KDM6A: variants seen among roughly 807,000 people sequenced by gnomAD.
The protein encoded by KDM6A is lysine-specific demethylase 6A.
Under a neutral mutation model 117.6 loss-of-function variants are expected in KDM6A, and 11 were observed. That is an observed-to-expected ratio of 0.09 (90% CI 0.06 to 0.15). KDM6A has a LOEUF of 0.15. KDM6A is among the 10% of genes least tolerant of loss of function. KDM6A has a pLI of 1.00. For missense variants in KDM6A, 799 were observed against 1,077.3 expected (o/e 0.74, Z 3.62); for synonymous variants, 384 against 396.1 (o/e 0.97, Z 0.36).
chrX:45,008,327 TCG>T (rs2041599272), intron 4 of KDM6A, among the ~76,000 whole-genome samples: 1 of 110,691 alleles, frequency 9.0e-6, no homozygotes, highest in Non-Finnish European at 1.9e-5. Flanking sequence ...TGAGCCGAGA[TCG>T]CACCACTGCA....
chrX:44,971,548 C>T (rs918651794), intron 3 of KDM6A, among the ~76,000 whole-genome samples: 1 of 110,930 alleles, frequency 9.0e-6, no homozygotes, highest in African/African-American at 3.3e-5. Context: ...TTCTTTTATT[C>T]AGCATCTCAT....
At chrX:45,035,619 C>T (rs182004099) in intron 7 of KDM6A, among the ~76,000 whole-genome samples, 2 of 110,671 alleles carry the variant, frequency 1.8e-5, no homozygotes, top group African/African-American at 6.5e-5. Flanking sequence ...CTAAAGTATC[C>T]AGTAAAAAGG....
intron 3 of KDM6A, among the ~76,000 whole-genome samples, chrX:44,963,479 G>GTCTGTCTGTCTGTCTGTC (rs1217912003): frequency 7.8e-5 from 2 of 25,551 alleles, no homozygotes; most frequent in African/African-American, 2.6e-4. Context: ...GTGTGTGTGT[G>GTCTGTCTGTCTGTCTGTC]TGTGTGTCTG....
At chrX:44,940,294 T>A (rs901899912) in intron 2 of KDM6A, among the ~76,000 whole-genome samples, 1 of 111,304 alleles carries the variant, frequency 9.0e-6, no homozygotes, top group African/African-American at 3.3e-5. Flanking sequence ...CCTCAAGTGA[T>A]CCGTCCGCCT....
chrX:44,986,245 C>T (rs1156844392), intron 4 of KDM6A, among the ~76,000 whole-genome samples: 20 of 111,461 alleles, frequency 1.8e-4, no homozygotes, highest in Non-Finnish European at 2.3e-4. Context: ...TCTGTGGGAT[C>T]GGTGGTGATA....
chrX:44,922,562 G>A (rs1209956759), intron 2 of KDM6A, among the ~76,000 whole-genome samples: 5 of 111,568 alleles, frequency 4.5e-5, no homozygotes, highest in African/African-American at 1.3e-4. Flanking sequence ...TCCGCATCCC[G>A]CGTTCAAGTG....
At chrX:45,040,376 G>A (rs1271543130) in intron 8 of KDM6A, among the ~76,000 whole-genome samples, 1 of 93,066 alleles carries the variant, frequency 1.1e-5, no homozygotes, top group East Asian at 3.7e-4. Flanking sequence ...CTCCCGGACA[G>A]GGCGGCTGGC....
intron 6 of KDM6A, among the ~76,000 whole-genome samples, chrX:45,025,868 C>G (rs2042346264): frequency 9.0e-6 from 1 of 111,682 alleles, no homozygotes; most frequent in African/African-American, 3.3e-5. Context: ...AATTTAAGTC[C>G]CCTTTTATAA....
intron 18 of KDM6A, among the ~76,000 whole-genome samples, chrX:45,073,246 C>T (rs1327710431): frequency 1.8e-5 from 2 of 111,701 alleles, no homozygotes; most frequent in African/African-American, 6.5e-5. Context: ...TGTATGTGTG[C>T]TGCATTTTCT....
chrX:45,043,062 G>T (rs1273746926), intron 8 of KDM6A, among the ~76,000 whole-genome samples: 1 of 112,128 alleles, frequency 8.9e-6, no homozygotes, highest in Non-Finnish European at 1.9e-5. Flanking sequence ...GGCCAAGGTG[G>T]GTGGATCACT....
intron 4 of KDM6A, among the ~76,000 whole-genome samples, chrX:44,997,052 A>T (rs1397875114): frequency 1.8e-5 from 2 of 111,223 alleles, no homozygotes; most frequent in African/African-American, 6.5e-5. Context: ...CCCCACGGCA[A>T]TGTCTGTCTA....
intron 2 of KDM6A, among the ~76,000 whole-genome samples, chrX:44,942,696 G>C (rs997266979): frequency 1.8e-5 from 2 of 109,156 alleles, no homozygotes; most frequent in East Asian, 5.8e-4. Context: ...AAAAATTAGG[G>C]GGGATTGATA....
At chrX:45,048,619 T>C (rs946117391) in intron 8 of KDM6A, among the ~76,000 whole-genome samples, 3 of 109,651 alleles carry the variant, frequency 2.7e-5, no homozygotes, top group African/African-American at 1.0e-4. Context: ...GACTGCCATT[T>C]CTATTTGAGT....
chrX:44,942,338 G>GTT (rs201452703), intron 2 of KDM6A, among the ~76,000 whole-genome samples: 1 of 110,434 alleles, frequency 9.1e-6, no homozygotes. Flanking sequence ...TGGCTTTTCT[G>GTT]TTTTTTTAAG....
chrX:44,883,931 C>A (rs1463082711), intron 2 of KDM6A, among the ~76,000 whole-genome samples: 7 of 108,339 alleles, frequency 6.5e-5, no homozygotes, highest in African/African-American at 2.4e-4. Flanking sequence ...GGATAAACCC[C>A]ATCTCTACTA....
chrX:44,944,149 C>T (rs968581563), intron 2 of KDM6A, among the ~76,000 whole-genome samples: 8 of 110,597 alleles, frequency 7.2e-5, no homozygotes, highest in African/African-American at 2.3e-4. Flanking sequence ...GTCAGGAGTT[C>T]GAGACCAGCC....
At position 44,920,499 on chromosome X, in the gene KDM6A, C is replaced by A. The variant is rs1383633989; in HGVS notation, c.226-40785C>A. ...TGTCGCCCAGGCTGGAGTGCAGTGG[C>A]GCAGTCTCCGCTCACTGCAAGCTCC... is the stretch of plus-strand genomic sequence containing the variant. On this transcript the variant is annotated intron_variant, in intron 2 of 29. Transcript: ENST00000611820. Among the ~76,000 whole-genome samples, 7 of 107,507 alleles carry A rather than the reference C, an allele frequency of 6.5e-5. 1 individual carries two copies. The highest frequency in any genetic ancestry group is 0.01 in the Middle Eastern group (2 of 194). 93.4% of individuals were successfully genotyped at this position (107,507 alleles called of 115,157 possible).
chrX:45,066,794 A>G, intron 17 of KDM6A, among the ~76,000 whole-genome samples: 1 of 112,076 alleles, frequency 8.9e-6, no homozygotes, highest in Non-Finnish European at 1.9e-5. Flanking sequence ...AATTCTAATA[A>G]AAAGGAACTC....
rs148201798 is a variant in KDM6A at position 45,019,893 on chromosome X, T to C, written c.444-717T>C. ...TTCCCCAACCCCTGAACTTGTTCTATTGGTGATCAAAACCTTTTATAAAAG... is the reference window on the plus strand; with the variant it reads ...TTCCCCAACCCCTGAACTTGTTCTACTGGTGATCAAAACCTTTTATAAAAG... On this transcript the variant is annotated intron_variant, in intron 5 of 29. Transcript: ENST00000611820. Among the ~76,000 whole-genome samples the C allele has an allele frequency of 4.4e-3, 493 of 111,941 alleles. 3 individuals are homozygous for C. The highest frequency in any genetic ancestry group is 0.015 in the African/African-American group (464 of 30,855).
Sources: gnomAD v4.1 joint callset for allele counts (sites outside exome capture counted in the v4.1 genomes callset) on GRCh38, gnomAD v4.1.1 for gene constraint, MANE v1.5 for transcripts, NCBI Gene and HGNC (gene_info 2026-07-23, HGNC 2026-07-21) for gene names.